The following NPHP4 variants were observed in gnomAD, a reference collection of about 807,000 sequenced individuals.
NPHP4 encodes the protein nephrocystin 4.
NPHP4 carries 151 observed loss-of-function variants against 155.8 expected under a neutral mutation model. The ratio of observed to expected loss-of-function variants is 0.97; its 90% confidence interval spans 0.85 to 1.11. NPHP4 has a LOEUF of 1.11. Ranked by LOEUF, NPHP4 falls within the 50% of genes least tolerant of loss-of-function variation. NPHP4 has a pLI of 0.00. For missense variants in NPHP4, 1,956 were observed against 1,925.7 expected (o/e 1.02, Z -0.29); for synonymous variants, 845 against 816.8 (o/e 1.03, Z -0.59).
At chr1:5,868,531 C>CAT (rs2100489527) in intron 23 of NPHP4, among the ~76,000 whole-genome samples, 2 of 152,128 alleles carry the variant, frequency 1.3e-5, no homozygotes, top group East Asian at 1.9e-4. Context: ...CACACGCACC[C>CAT]ACACACACGC....
intron 9 of NPHP4, among the ~76,000 whole-genome samples, chr1:5,942,589 A>G (rs1469064484): frequency 1.1e-5 from 1 of 93,160 alleles, no homozygotes; most frequent in African/African-American, 4.8e-5. Flanking sequence ...ATAAATGACA[A>G]AAAAAAAAAA....
intron 2 of NPHP4, among the ~76,000 whole-genome samples, chr1:5,984,823 G>C (rs759369521): frequency 6.6e-5 from 10 of 152,222 alleles, no homozygotes; most frequent in Non-Finnish European, 1.2e-4. Flanking sequence ...CTAGGAAAGA[G>C]GGAAGGGCTA....
chr1:5,880,376 G>A lies in NPHP4; in HGVS notation c.2486-137C>T, dbSNP rs145926393. 1,391 of 794,466 alleles carry A rather than the reference G, an allele frequency of 1.8e-3. 14 individuals carry two copies. In the African/African-American group the frequency reaches 0.019, roughly 11 times the overall value. The allele number at this position is 794,466 out of a possible 1,614,324, so 49.2% of individuals were successfully genotyped here. The stretch of plus-strand genomic sequence containing the variant: ...GACACGCTAAGGCCCCACCGCCTCT[G>A]TTTTGAATGTTTTGCAATTGAGAGA... On this transcript the variant is annotated intron_variant, in intron 18 of 29. Coordinates refer to ENST00000378156, the MANE Select transcript of NPHP4 (RefSeq NM_015102.5).
chr1:5,868,117 A>C, intron 23 of NPHP4: 1 of 676,910 alleles, frequency 1.5e-6, no homozygotes, highest in Non-Finnish European at 2.7e-6. Context: ...GCCGGCACCC[A>C]CACAGGGCAC....
chr1:5,871,972 A>C (rs191639006), intron 23 of NPHP4, among the ~76,000 whole-genome samples: 23 of 152,228 alleles, frequency 1.5e-4, no homozygotes, highest in Middle Eastern at 3.4e-3. Flanking sequence ...TCAAACTCCA[A>C]ATTCATGTGA....
At chr1:5,901,220 T>G (rs1261897967) in intron 16 of NPHP4, among the ~76,000 whole-genome samples, 1 of 152,188 alleles carries the variant, frequency 6.6e-6, no homozygotes, top group African/African-American at 2.4e-5. Context: ...AATGGAACCA[T>G]GCACTGGCAA....
intron 6 of NPHP4, among the ~76,000 whole-genome samples, chr1:5,953,138 G>A (rs781121053): frequency 1.3e-5 from 2 of 152,030 alleles, no homozygotes; most frequent in African/African-American, 2.4e-5. Flanking sequence ...ACGGAGTCTC[G>A]TTCTGTCGCC....
chr1:5,911,642 C>A (rs970104375), intron 11 of NPHP4, among the ~76,000 whole-genome samples: 4 of 152,162 alleles, frequency 2.6e-5, no homozygotes, highest in South Asian at 2.1e-4. Context: ...AACCTACCTA[C>A]AAGGCCATTT....
At chr1:5,974,689 A>G (rs867263538) in intron 3 of NPHP4, among the ~76,000 whole-genome samples, 3,794 of 14,388 alleles carry the variant, frequency 0.26, 81 homozygotes, top group Non-Finnish European at 0.31. Flanking sequence ...TTTGCAGAAA[A>G]AAAAAAAAAA....
chr1:5,962,731 A>G (rs940008307), intron 5 of NPHP4, among the ~76,000 whole-genome samples: 4 of 152,248 alleles, frequency 2.6e-5, no homozygotes, highest in African/African-American at 9.6e-5. Context: ...TGAGGAGGAA[A>G]AAGGGCATGA....
intron 11 of NPHP4, among the ~76,000 whole-genome samples, chr1:5,920,002 G>A (rs1245133563): frequency 2.6e-5 from 4 of 152,078 alleles, no homozygotes; most frequent in Non-Finnish European, 5.9e-5. Context: ...GTGCAATCTC[G>A]GCTCACTGCA....
chr1:5,988,013 T>C (rs1287470743), intron 1 of NPHP4, among the ~76,000 whole-genome samples: 1 of 152,234 alleles, frequency 6.6e-6, no homozygotes, highest in East Asian at 1.9e-4. Context: ...CGTGATCTTC[T>C]AAGGTTACAC....
At chr1:5,949,653 A>G (rs693005) in intron 7 of NPHP4, among the ~76,000 whole-genome samples, 143,454 of 151,810 alleles carry the variant, frequency 0.94, 67,885 homozygotes, top group African/African-American at 0.99. Context: ...GGACAGTCAG[A>G]GGACCCCGTC....
At position 5,866,915 on chromosome 1, in the gene NPHP4, C is replaced by A. The variant is rs1268948352; in HGVS notation, c.3558+115G>T. 8 of 782,784 alleles carry A rather than the reference C, an allele frequency of 1.0e-5. No individual in the cohort carries two copies. The East Asian group carries it at 2.1e-4, about 21-fold the overall frequency. 48.5% of individuals were successfully genotyped at this position (782,784 alleles called of 1,614,324 possible). Reference sequence around the variant, plus strand: ...GCCCTTTAGTACCTTGGGAAAGAAACCACTTAGCAGAAAACCTAAAATGAA... The same window carrying A: ...GCCCTTTAGTACCTTGGGAAAGAAAACACTTAGCAGAAAACCTAAAATGAA... On this transcript the variant is annotated intron_variant, in intron 25 of 29. Coordinates refer to ENST00000378156, the MANE Select transcript of NPHP4 (RefSeq NM_015102.5).
intron 2 of NPHP4, among the ~76,000 whole-genome samples, chr1:5,984,018 T>A (rs541960579): frequency 7.9e-5 from 12 of 152,338 alleles, no homozygotes; most frequent in Admixed American, 3.3e-4. Flanking sequence ...GGAATTATTC[T>A]ACAGACATAT....
At chr1:5,992,019 G>A (rs1415309284) in intron 1 of NPHP4, among the ~76,000 whole-genome samples, 1 of 144,038 alleles carries the variant, frequency 6.9e-6, no homozygotes, top group Middle Eastern at 3.6e-3. Flanking sequence ...CCGACCCCAA[G>A]TGTCCCGACG....
chr1:5,960,559 C>A (rs957322734), intron 6 of NPHP4, among the ~76,000 whole-genome samples: 2 of 152,134 alleles, frequency 1.3e-5, no homozygotes, highest in African/African-American at 2.4e-5. Flanking sequence ...AAATCCTGCT[C>A]TTCCTGGAAC....
At chr1:5,897,920 A>G (rs1644474330) in intron 16 of NPHP4, among the ~76,000 whole-genome samples, 3 of 152,264 alleles carry the variant, frequency 2.0e-5, no homozygotes. Context: ...TAAACAGTTA[A>G]GCAATGTTCC....
At position 5,949,343 on chromosome 1, in the gene NPHP4, TACACACACAC is replaced by T. The variant is rs140032819; in HGVS notation, c.811-1102_811-1093del. Among the ~76,000 whole-genome samples the T allele has an allele frequency of 1.7e-4, 24 of 140,892 alleles. No individual in the cohort carries two copies. The South Asian group carries it at 2.8e-3, about 16-fold the overall frequency. 92.4% of individuals were successfully genotyped at this position (140,892 alleles called of 152,430 possible). The stretch of plus-strand genomic sequence containing the variant: ...AACAAGTCCAGCTCATTCACATACA[TACACACACAC>T]ACACACACACACACACAACTTGCTA... On this transcript the variant is annotated intron_variant, in intron 7 of 29. Transcript: ENST00000378156.
Sources: allele counts gnomAD v4.1 joint callset (sites outside exome capture counted in the v4.1 genomes callset), GRCh38; gene constraint gnomAD v4.1.1; transcripts MANE v1.5; gene names NCBI Gene and HGNC (gene_info 2026-07-23, HGNC 2026-07-21).